SLC41A3: variants seen among roughly 807,000 people sequenced by gnomAD.
SLC41A3 encodes the protein solute carrier family 41 member 3.
SLC41A3 carries 44 observed loss-of-function variants against 45.4 expected under a neutral mutation model. The ratio of observed to expected loss-of-function variants is 0.97; its 90% CI spans 0.76 to 1.25. The LOEUF is 1.25. Among genes scored for constraint, SLC41A3 ranks in the 50% most tolerant of loss-of-function variants. The pLI, the probability that SLC41A3 is intolerant of heterozygous loss-of-function variation, is 0.00. For synonymous variants in SLC41A3, 256 were observed against 252.4 expected, an observed-to-expected ratio of 1.01 and a Z score of -0.13; for missense variants, 550 against 600.6, an observed-to-expected ratio of 0.92 and a Z score of 0.88.
At chr3:126,058,115 G>A (rs963302773) in intron 2 of SLC41A3, 10 of 152,284 alleles carry the variant, frequency 6.6e-5, no homozygotes, top group African/African-American at 9.6e-5. Context: ...GCACATGAGT[G>A]GGCCGTCTTG....
At chr3:126,053,060 C>T (rs1022078018) in intron 2 of SLC41A3, among the ~76,000 whole-genome samples, 6 of 152,208 alleles carry the variant, frequency 3.9e-5, no homozygotes, top group African/African-American at 9.7e-5. Flanking sequence ...CTGGTCACAT[C>T]GGGTATCACA....
rs575452812 is a variant in SLC41A3 at position 126,046,590 on chromosome 3, T to C, written c.381+4353A>G. Among the ~76,000 whole-genome samples, 4 of 152,278 alleles carry C rather than the reference T, an allele frequency of 2.6e-5. No individual in the cohort carries two copies. The South Asian group carries it at 8.3e-4, about 32-fold the overall frequency. ...AGTACACTAAAAACCACAAAGTGTT[T>C]CTGAAGAAATTCAAGAAGACACAAA... On this transcript the variant is annotated intron_variant, in intron 3 of 10. Coordinates refer to ENST00000360370, the MANE Select transcript of SLC41A3 (RefSeq NM_017836.4).
intron 3 of SLC41A3, among the ~76,000 whole-genome samples, chr3:126,043,095 A>C (rs1299443017): frequency 6.6e-6 from 1 of 152,126 alleles, no homozygotes; most frequent in Non-Finnish European, 1.5e-5. Flanking sequence ...ATACTGAGAC[A>C]CATTATAAAC....
intron 3 of SLC41A3, among the ~76,000 whole-genome samples, chr3:126,046,646 T>C (rs1576300881): frequency 6.6e-6 from 1 of 152,220 alleles, no homozygotes. Flanking sequence ...ATCCATGGAC[T>C]GGAAGACTTA....
At chr3:126,089,710 G>A (rs904869506) in intron 1 of SLC41A3, among the ~76,000 whole-genome samples, 1 of 152,320 alleles carries the variant, frequency 6.6e-6, no homozygotes, top group Admixed American at 6.5e-5. Context: ...ATTTCCAGTT[G>A]AGGGCCATTT....
In SLC41A3 at chr3:126,006,809, C is replaced by T. The variant is rs1044176; in HGVS notation, c.*207G>A. The T allele has an allele frequency of 0.064, 93,211 of 1,445,314 alleles. 3,323 individuals are homozygous for T. Among genetic ancestry groups the T allele is most frequent in the Middle Eastern group, 0.092 (370 of 4,034 alleles). The allele number at this position is 1,445,314 out of a possible 1,614,324, so 89.5% of individuals were successfully genotyped here. ...ACACATCATATTCACACACTCAAGC[C>T]ATGCTCTTGATTTCAGGGCTCTATT... On this transcript the variant is annotated 3_prime_UTR_variant, in exon 11 of 11. Coordinates refer to ENST00000360370, the MANE Select transcript of SLC41A3 (RefSeq NM_017836.4).
Position 126,026,090 on chromosome 3 carries a change from C to T in SLC41A3, c.598+245G>A, listed in dbSNP as rs780218814. 1.2e-4 allele frequency among the ~76,000 whole-genome samples: 19 copies of T among 152,208 alleles called. No homozygotes were observed. The highest frequency in any genetic ancestry group is 2.5e-4 in the Non-Finnish European group (17 of 68,042). On this transcript the variant is annotated intron_variant, in intron 5 of 10. Transcript: ENST00000360370. The surrounding 1 kb of genome is among the most constrained non-coding windows in gnomAD (Gnocchi z 4.2). ...CCTGCAGAGCAGGGACAGGTCTTTA[C>T]ACAGCAGAGAGCAGAGGCGAGTGGT...
At chr3:126,076,048 C>T (rs1944865979) in intron 1 of SLC41A3, among the ~76,000 whole-genome samples, 1 of 152,184 alleles carries the variant, frequency 6.6e-6, no homozygotes, top group Non-Finnish European at 1.5e-5. Flanking sequence ...AGACGATCCA[C>T]AAAATGTGCA....
chr3:126,074,778 T>C lies in SLC41A3; in HGVS notation c.-27-6532A>G, dbSNP rs112193431. 6.5e-3 allele frequency among the ~76,000 whole-genome samples: 997 copies of C among 152,274 alleles called. 10 individuals carry two copies. Among genetic ancestry groups the C allele is most frequent in the African/African-American group, 0.023 (938 of 41,550 alleles). On this transcript the variant is annotated intron_variant, in intron 1 of 10. Transcript: ENST00000360370. The stretch of plus-strand genomic sequence containing the variant: ...TCACTGCACCCTCAACTTCCTAGGC[T>C]CAAGTAATCCTCCCACCTCAGCTTC...
chr3:126,095,407 A>G (rs1945578868), intron 1 of SLC41A3: 3 of 495,396 alleles, frequency 6.1e-6, no homozygotes, highest in Non-Finnish European at 1.1e-5. Context: ...GGCAGAAGAA[A>G]ACCTAAGGAA....
At chr3:126,091,078 G>A (rs879759071) in intron 1 of SLC41A3, among the ~76,000 whole-genome samples, 6 of 152,112 alleles carry the variant, frequency 3.9e-5, no homozygotes, top group Non-Finnish European at 8.8e-5. Flanking sequence ...TTCTCACAGG[G>A]CCACATGGAA....
chr3:126,067,631 G>C (rs1301395584), intron 2 of SLC41A3: 20 of 495,898 alleles, frequency 4.0e-5, no homozygotes, highest in Non-Finnish European at 7.0e-5. Flanking sequence ...CCAGTGTGTG[G>C]GACTTTGTTA....
chr3:126,079,794 G>T (rs1408424697), intron 1 of SLC41A3, among the ~76,000 whole-genome samples: 1 of 152,156 alleles, frequency 6.6e-6, no homozygotes, highest in African/African-American at 2.4e-5. Context: ...TGAGCAAAAA[G>T]AATAAAGCTT....
chr3:126,019,121 T>C (rs1940599773), intron 6 of SLC41A3, among the ~76,000 whole-genome samples: 1 of 152,156 alleles, frequency 6.6e-6, no homozygotes, highest in Non-Finnish European at 1.5e-5. Flanking sequence ...GAGGGCCTTC[T>C]TTGCTGGTGG....
intron 3 of SLC41A3, among the ~76,000 whole-genome samples, chr3:126,048,802 T>C (rs1943131847): frequency 6.6e-6 from 1 of 152,112 alleles, no homozygotes; most frequent in African/African-American, 2.4e-5. Context: ...GAGATGGAGA[T>C]GTTCTGTGTC....
At chr3:126,088,554 C>T (rs756312661), upstream of SLC41A3, among the ~76,000 whole-genome samples, 16 of 151,992 alleles carry the variant, frequency 1.1e-4, no homozygotes, top group Non-Finnish European at 1.8e-4. Flanking sequence ...GGTTTTTCTT[C>T]GCTAGTTAAA....
intron 8 of SLC41A3, among the ~76,000 whole-genome samples, chr3:126,015,222 G>A (rs112391416): frequency 5.9e-5 from 9 of 152,234 alleles, no homozygotes; most frequent in Non-Finnish European, 7.3e-5. Flanking sequence ...CCTGGAATTC[G>A]GTCCTGTCAG....
At chr3:126,090,054 AGTTATTT>A (rs1467074890) in intron 1 of SLC41A3, among the ~76,000 whole-genome samples, 2 of 50,392 alleles carry the variant, frequency 4.0e-5, no homozygotes, top group Admixed American at 4.0e-4. Flanking sequence ...TTTTTTTTTT[AGTTATTT>A]GAGTGAAGTA....
chr3:126,042,748 C>G (rs1336620190), intron 3 of SLC41A3, among the ~76,000 whole-genome samples: 2 of 151,754 alleles, frequency 1.3e-5, no homozygotes, highest in African/African-American at 4.8e-5. Flanking sequence ...CTGAAAAACA[C>G]AATAATTGAA....
Sources: gnomAD v4.1 joint callset for allele counts (sites outside exome capture counted in the v4.1 genomes callset) on GRCh38, gnomAD v4.1.1 for gene constraint, Gnocchi (gnomAD v3.1) non-coding constraint, MANE v1.5 for transcripts, NCBI Gene and HGNC (gene_info 2026-07-23, HGNC 2026-07-21) for gene names.